The following STIL variants were observed in gnomAD, a reference collection of about 807,000 sequenced individuals.
STIL encodes STIL centriolar assembly protein.
A neutral mutation model predicts 110.1 loss-of-function variants in STIL; 55 were observed. The observed-to-expected ratio is 0.50, with a 90% CI of 0.40 to 0.63. The LOEUF is 0.63. STIL is among the 20% of genes least tolerant of loss of function. The probability of loss-of-function intolerance (pLI) is 0.00; values close to 1 mark genes in which losing one functional copy is unlikely to be tolerated. For synonymous variants in STIL, 481 were observed against 530.0 expected (o/e 0.91, Z 1.27); for missense variants, 1,358 against 1,530.0 (o/e 0.89, Z 1.87).
At chr1:47,269,983 T>A in intron 13 of STIL, 117 bp from the exon 14 acceptor site, 1 of 941,092 alleles carries the variant, frequency 1.1e-6, no homozygotes, top group South Asian at 1.4e-5. Context: ...ACGCCTATAA[T>A]CCCAACACTT....
Position 47,312,743 on chromosome 1 carries a change from A to G in STIL, c.-44+1293T>C, listed in dbSNP as rs543044831. On this transcript the variant is annotated intron_variant, in intron 1 of 16. Transcript: ENST00000371877. ...GATTTCTTATTTTAAAACAATATAC[A>G]TAAGGTACTTTCATTCTGTCAGTGT... Among the ~76,000 whole-genome samples, 5 of 152,334 alleles carry G rather than the reference A, an allele frequency of 3.3e-5. No individual in the cohort carries two copies. In the East Asian group the frequency reaches 7.7e-4, roughly 24 times the overall value.
At chr1:47,265,113 G>A (rs767570557) in intron 14 of STIL, among the ~76,000 whole-genome samples, 6 of 151,106 alleles carry the variant, frequency 4.0e-5, no homozygotes, top group Non-Finnish European at 7.4e-5. Context: ...GCGTACACTT[G>A]TAATCCCAGC....
chr1:47,268,758 CATAAATAAATAAATAA>C (rs55980086), intron 14 of STIL, among the ~76,000 whole-genome samples: 9 of 98,278 alleles, frequency 9.2e-5, no homozygotes, highest in East Asian at 8.3e-4. Context: ...AACTCCATCT[CATAAATAAATAAATAA>C]ATAAATAAAT....
At chr1:47,278,441 T>C (rs1157977438) in intron 12 of STIL, among the ~76,000 whole-genome samples, 1 of 152,128 alleles carries the variant, frequency 6.6e-6, no homozygotes, top group Non-Finnish European at 1.5e-5. Context: ...ATTTTCTAAA[T>C]ATAATGATTC....
intron 16 of STIL, among the ~76,000 whole-genome samples, chr1:47,258,519 G>A (rs1557703890): frequency 6.6e-6 from 1 of 152,110 alleles, no homozygotes; most frequent in Non-Finnish European, 1.5e-5. Context: ...AGAAAGAACT[G>A]TATATCCCTA....
chr1:47,279,303 A>G (rs1221359873), intron 12 of STIL, among the ~76,000 whole-genome samples: 3 of 149,910 alleles, frequency 2.0e-5, no homozygotes, highest in Admixed American at 6.7e-5. Flanking sequence ...AAAAAAAATC[A>G]TACGTATATA....
chr1:47,309,369 C>T (rs1009479809), intron 2 of STIL, among the ~76,000 whole-genome samples: 8 of 152,000 alleles, frequency 5.3e-5, no homozygotes, highest in Non-Finnish European at 1.2e-4. Context: ...TGAGCTCAAG[C>T]GATCTGCCCA....
chr1:47,281,213 C>T lies in STIL; in HGVS notation c.1249-4G>A. 1 of 1,608,590 alleles carries T rather than the reference C, an allele frequency of 6.2e-7. No homozygotes were observed. The highest frequency in any genetic ancestry group is 8.5e-7 in the Non-Finnish European group (1 of 1,178,274). ...CTGATGGTTGGATCTTAGAAATCTA[C>T]AAATAAGAAAGAAATAGAAAAAAAA... On this transcript the variant is annotated splice_polypyrimidine_tract_variant and splice_region_variant and intron_variant, in intron 11 of 16. Coordinates refer to ENST00000371877, the MANE Select transcript of STIL (RefSeq NM_001048166.1).
At chr1:47,277,172 G>A (rs1645018358) in intron 12 of STIL, among the ~76,000 whole-genome samples, 1 of 152,140 alleles carries the variant, frequency 6.6e-6, no homozygotes, top group Non-Finnish European at 1.5e-5. Flanking sequence ...GCCATTAGAA[G>A]GGTCCAAGGA....
In STIL at chr1:47,251,070, C is replaced by T; in HGVS notation, c.*66G>A. Reference sequence around the variant, plus strand: ...TGATCAGGAGCCTTGTGGTAGGCTCCTGTTTTCCCTAAGTATCTTCAGGAG... The same window carrying T: ...TGATCAGGAGCCTTGTGGTAGGCTCTTGTTTTCCCTAAGTATCTTCAGGAG... On this transcript the variant is annotated 3_prime_UTR_variant, in exon 17 of 17. Coordinates refer to ENST00000371877, the MANE Select transcript of STIL (RefSeq NM_001048166.1). 1 of 1,497,978 alleles carries T rather than the reference C, an allele frequency of 6.7e-7. No homozygotes were observed. The highest frequency in any genetic ancestry group is 2.0e-5 in the Admixed American group (1 of 49,186). 92.8% of individuals were successfully genotyped at this position (1,497,978 alleles called of 1,614,324 possible). A position where few individuals can be genotyped will look rare whatever the true frequency, so the allele number is the denominator to read the frequency against.
At chr1:47,283,444 A>G (rs561999346) in intron 10 of STIL, 2 of 152,262 alleles carry the variant, frequency 1.3e-5, no homozygotes, top group African/African-American at 4.8e-5. Flanking sequence ...CTTGAGATAC[A>G]TAATGATATT....
At chr1:47,263,488 A>G (rs1266588192) in intron 14 of STIL, among the ~76,000 whole-genome samples, 3 of 152,196 alleles carry the variant, frequency 2.0e-5, no homozygotes, top group African/African-American at 7.2e-5. Flanking sequence ...GGCTGCAGTG[A>G]GCTATGATTG....
At chr1:47,295,870 G>T in intron 6 of STIL, 22 bp from the exon 7 acceptor site, 5 of 1,529,028 alleles carry the variant, frequency 3.3e-6, no homozygotes, top group Non-Finnish European at 4.5e-6. Flanking sequence ...ACATTCATGT[G>T]AAAATAACTG....
intron 12 of STIL, among the ~76,000 whole-genome samples, chr1:47,279,548 G>A (rs1444093631): frequency 6.6e-6 from 1 of 151,772 alleles, no homozygotes; most frequent in Non-Finnish European, 1.5e-5. Context: ...GGCCAACATG[G>A]CGAAACCCCG....
intron 16 of STIL, among the ~76,000 whole-genome samples, chr1:47,259,149 G>A: frequency 6.6e-6 from 1 of 150,694 alleles, no homozygotes; most frequent in Non-Finnish European, 1.5e-5. Context: ...ACCACGCTCA[G>A]CTAATTTTTT....
At chr1:47,272,933 A>G (rs1011604633) in intron 12 of STIL, among the ~76,000 whole-genome samples, 5 of 152,214 alleles carry the variant, frequency 3.3e-5, no homozygotes, top group Non-Finnish European at 5.9e-5. Context: ...AGAATTGCCC[A>G]TGTTTGCCCA....
intron 8 of STIL, among the ~76,000 whole-genome samples, chr1:47,291,305 G>A (rs753005028): frequency 2.0e-5 from 3 of 152,010 alleles, no homozygotes; most frequent in Non-Finnish European, 4.4e-5. Flanking sequence ...AGGTTTCTGT[G>A]AGCTGAGATT....
intron 10 of STIL, 120 bp from the exon 11 acceptor site, chr1:47,282,579 C>T (rs1645182606): frequency 1.5e-6 from 1 of 670,860 alleles, no homozygotes; most frequent in Non-Finnish European, 2.7e-6. Context: ...AATTTAGTAT[C>T]TGACAACCAC....
intron 10 of STIL, among the ~76,000 whole-genome samples, chr1:47,284,918 C>T (rs752054175): frequency 5.0e-4 from 76 of 151,364 alleles, no homozygotes; most frequent in Non-Finnish European, 8.8e-4. Flanking sequence ...AGACTGACTT[C>T]CTGGAGGGAA....
Sources: gnomAD v4.1 joint callset for allele counts (sites outside exome capture counted in the v4.1 genomes callset) on GRCh38, gnomAD v4.1.1 for gene constraint, MANE v1.5 for transcripts, NCBI Gene and HGNC (gene_info 2026-07-23, HGNC 2026-07-21) for gene names.